Variants in SPTLC1 observed in about 807,000 individuals in gnomAD.
SPTLC1 encodes serine palmitoyltransferase long chain base subunit 1, also known as serine palmitoyltransferase 1.
In SPTLC1, 55 loss-of-function variants were observed where a neutral mutation model predicts 68.9. That is an observed-to-expected ratio of 0.80 (90% CI 0.64 to 1.00). The LOEUF (loss-of-function observed/expected upper bound fraction) is 1.00, where lower values mean the gene tolerates loss of function less well. Ranked by LOEUF, SPTLC1 falls within the 50% of genes least tolerant of loss-of-function variation. The pLI is 0.00. For synonymous variants in SPTLC1, 197 were observed against 201.6 expected (o/e 0.98, Z 0.19); for missense variants, 449 against 573.1 (o/e 0.78, Z 2.21).
chr9:92,088,062 A>G (rs1240517712), intron 3 of SPTLC1, among the ~76,000 whole-genome samples: 6 of 152,234 alleles, frequency 3.9e-5, no homozygotes, highest in Admixed American at 3.9e-4. Flanking sequence ...GGTGAGGGAT[A>G]TAATCTCCTG....
intron 2 of SPTLC1, chr9:92,110,901 CAATAT>C (rs753115815): frequency 1.3e-5 from 2 of 152,192 alleles, no homozygotes; most frequent in Non-Finnish European, 2.9e-5. Flanking sequence ...TATACTGTTA[CAATAT>C]AACTCTCCAA....
At chr9:92,055,777 C>G (rs1297935608) in intron 7 of SPTLC1, among the ~76,000 whole-genome samples, 1 of 152,184 alleles carries the variant, frequency 6.6e-6, no homozygotes, top group African/African-American at 2.4e-5. Context: ...TCCAAACCTC[C>G]AACTGGGAAG....
At chr9:92,083,307 T>A (rs1306495699) in intron 3 of SPTLC1, among the ~76,000 whole-genome samples, 1 of 152,238 alleles carries the variant, frequency 6.6e-6, no homozygotes, top group East Asian at 1.9e-4. Flanking sequence ...AGACATGAAG[T>A]CCTTGCCCAT....
intron 11 of SPTLC1, among the ~76,000 whole-genome samples, chr9:92,046,650 T>C (rs1217679754): frequency 6.6e-6 from 1 of 152,196 alleles, no homozygotes; most frequent in Non-Finnish European, 1.5e-5. Flanking sequence ...GGTGGCACTG[T>C]CATAGCCAAA....
At chr9:92,033,591 G>A (rs1252378712) in intron 14 of SPTLC1, among the ~76,000 whole-genome samples, 2 of 152,114 alleles carry the variant, frequency 1.3e-5, no homozygotes, top group Non-Finnish European at 2.9e-5. Flanking sequence ...AAATGAAGGG[G>A]GCAGCCCAGG....
At chr9:92,048,188 G>A (rs548120778) in intron 9 of SPTLC1, among the ~76,000 whole-genome samples, 5 of 152,286 alleles carry the variant, frequency 3.3e-5, no homozygotes, top group Admixed American at 2.0e-4. Flanking sequence ...ACGTCATGGC[G>A]ATGGAATCTT....
Position 92,032,533 on chromosome 9 carries a change from G to A in SPTLC1, c.1354C>T (p.Gln452Ter). The A allele has an allele frequency of 1.2e-6, 2 of 1,614,146 alleles. No homozygotes were observed. The highest frequency in any genetic ancestry group is 8.5e-7 in the Non-Finnish European group (1 of 1,180,012). Reference sequence around the variant, plus strand: ...GCTCTCTCCAGTTCTTCCTCTGTTTGTTCCACCGTGACCACAACCCGAATG... The same window carrying A: ...GCTCTCTCCAGTTCTTCCTCTGTTTATTCCACCGTGACCACAACCCGAATG... ...PSIRVVVTVEQTEEELERAAS... is the reference protein window; with the variant it reads ...PSIRVVVTVE The change falls in exon 15 of 15, where the codon CAA becomes TAA. Residue 452 changes from glutamine (Q) to a stop codon, truncating the protein, a stop_gained. Coordinates refer to ENST00000262554, the MANE Select transcript of SPTLC1 (RefSeq NM_006415.4). LOFTEE classifies it high-confidence loss of function.
intron 3 of SPTLC1, among the ~76,000 whole-genome samples, chr9:92,094,356 T>C: frequency 6.6e-6 from 1 of 152,242 alleles, no homozygotes. Context: ...TGTGCAGCTT[T>C]TTAGTTTATG....
intron 3 of SPTLC1, among the ~76,000 whole-genome samples, chr9:92,087,859 C>T (rs1057315912): frequency 2.0e-5 from 3 of 152,260 alleles, no homozygotes; most frequent in Non-Finnish European, 4.4e-5. Flanking sequence ...GTGGAGCCTA[C>T]AGAGGCAGGC....
chr9:92,080,841 T>C (rs1834855936), intron 4 of SPTLC1, 29 bp downstream of exon 4: 7 of 1,520,846 alleles, frequency 4.6e-6, no homozygotes, highest in Middle Eastern at 3.4e-4. Context: ...TAATGTTATC[T>C]GTCCACTTCA....
intron 3 of SPTLC1, among the ~76,000 whole-genome samples, chr9:92,105,740 T>C (rs1835944375): frequency 6.6e-6 from 1 of 151,158 alleles, no homozygotes. Flanking sequence ...GCCCGGGAAG[T>C]GAGGAGTGCC....
At chr9:92,097,601 A>C (rs75271544) in intron 3 of SPTLC1, among the ~76,000 whole-genome samples, 7,125 of 152,288 alleles carry the variant, frequency 0.047, 243 homozygotes, top group Middle Eastern at 0.065. Context: ...TATTCCTTTT[A>C]ATGTGAAATG....
At chr9:92,102,413 T>C (rs1835787882) in intron 3 of SPTLC1, among the ~76,000 whole-genome samples, 1 of 152,236 alleles carries the variant, frequency 6.6e-6, no homozygotes, top group South Asian at 2.1e-4. Context: ...ATCTTTCAAA[T>C]CACCCTTGAG....
intron 3 of SPTLC1, 98 bp downstream of exon 3, chr9:92,108,642 T>C: frequency 6.4e-7 from 1 of 1,565,450 alleles, no homozygotes. Context: ...AATGTTTTGT[T>C]TCAGATAAAA....
chr9:92,051,230 C>T (rs1833693799), intron 8 of SPTLC1: 1 of 982,952 alleles, frequency 1.0e-6, no homozygotes, highest in African/African-American at 1.8e-5. Flanking sequence ...TTAAAAACAA[C>T]ATATGGAACC....
intron 12 of SPTLC1, among the ~76,000 whole-genome samples, chr9:92,044,899 T>G (rs1833457542): frequency 6.6e-6 from 1 of 152,130 alleles, no homozygotes; most frequent in Non-Finnish European, 1.5e-5. Flanking sequence ...GTGATACAGC[T>G]GGGGTAAGTG....
Position 92,086,729 on chromosome 9 carries a change from G to A in SPTLC1, c.261-5766C>T, listed in dbSNP as rs1209012255. Among the ~76,000 whole-genome samples the A allele has an allele frequency of 6.6e-5, 10 of 152,222 alleles. No homozygotes were observed. In the East Asian group the frequency reaches 1.7e-3, roughly 27 times the overall value. ...TCTGACAATTATGTGTCTTGGAGTT[G>A]CTCTTCTCAAGGAGTATCTTTGTGG... On this transcript the variant is annotated intron_variant, in intron 3 of 14. Transcript: ENST00000262554.
intron 8 of SPTLC1, among the ~76,000 whole-genome samples, chr9:92,054,262 C>G (rs1350645041): frequency 6.6e-6 from 1 of 152,118 alleles, no homozygotes; most frequent in Non-Finnish European, 1.5e-5. Flanking sequence ...GCCTGGGCAA[C>G]ATAAGTGAAA....
chr9:92,079,574 G>A, intron 5 of SPTLC1: 1 of 1,611,100 alleles, frequency 6.2e-7, no homozygotes, highest in Non-Finnish European at 8.5e-7. Flanking sequence ...ATTCTAGAAA[G>A]ATAAAAAACT....
Sources: allele counts gnomAD v4.1 joint callset (sites outside exome capture counted in the v4.1 genomes callset), GRCh38; gene constraint gnomAD v4.1.1; transcripts MANE v1.5; gene names NCBI Gene and HGNC (gene_info 2026-07-23, HGNC 2026-07-21).